The following SNX29 variants were observed in gnomAD, a reference collection of about 807,000 sequenced individuals.
SNX29 encodes the protein sorting nexin 29.
SNX29 carries 78 observed loss-of-function variants against 102.1 expected under a neutral mutation model. The observed-to-expected ratio is 0.76, with a 90% CI of 0.64 to 0.92. The LOEUF (loss-of-function observed/expected upper bound fraction) is 0.92, where lower values mean the gene tolerates loss of function less well. Ranked by LOEUF, SNX29 falls within the 40% of genes least tolerant of loss-of-function variation. The pLI is 0.00. For synonymous variants in SNX29, 580 were observed against 414.5 expected (o/e 1.40, Z -4.85); for missense variants, 1,280 against 1,061.7 (o/e 1.21, Z -2.86).
intron 14 of SNX29, among the ~76,000 whole-genome samples, chr16:12,268,816 A>G (rs1042226881): frequency 6.6e-6 from 1 of 152,204 alleles, no homozygotes; most frequent in Non-Finnish European, 1.5e-5. Context: ...ACTGTTTGCC[A>G]TGCCGCTCTC....
At chr16:11,979,275 CAAAAAAAAA>C (rs71139569) in intron 1 of SNX29, among the ~76,000 whole-genome samples, 34 of 61,998 alleles carry the variant, frequency 5.5e-4, no homozygotes, top group African/African-American at 2.4e-3. Context: ...ACTCAGTCTC[CAAAAAAAAA>C]AAAAAAAAAA....
intron 14 of SNX29, among the ~76,000 whole-genome samples, chr16:12,253,632 C>T (rs2078485402): frequency 6.6e-6 from 1 of 152,018 alleles, no homozygotes; most frequent in African/African-American, 2.4e-5. Flanking sequence ...CAAGGAACAC[C>T]AAGGAGGCAG....
At chr16:12,193,018 A>G (rs1175964275) in intron 13 of SNX29, among the ~76,000 whole-genome samples, 3 of 151,810 alleles carry the variant, frequency 2.0e-5, no homozygotes, top group African/African-American at 7.3e-5. Flanking sequence ...ATTTTTTTGT[A>G]GAGATGTGAT....
At chr16:12,551,992 C>T (rs899737221) in intron 20 of SNX29, among the ~76,000 whole-genome samples, 3 of 152,338 alleles carry the variant, frequency 2.0e-5, no homozygotes, top group Admixed American at 6.5e-5. Flanking sequence ...GTCAAAGTAG[C>T]TCCTGCTGGT....
chr16:12,570,102 C>G lies in SNX29; in HGVS notation c.*1473C>G. On this transcript the variant is annotated 3_prime_UTR_variant, in exon 21 of 21. Transcript: ENST00000566228. The stretch of plus-strand genomic sequence containing the variant: ...TTTATACTGTGCCTTCCCCTCGTAG[C>G]AAAAAGGAAGATTGTTCATGGCCTT... 2 of 984,874 alleles carry G rather than the reference C, an allele frequency of 2.0e-6. No individual in the cohort carries two copies. The highest frequency in any genetic ancestry group is 4.5e-4 in the Middle Eastern group (1 of 2,244). The allele number at this position is 984,874 out of a possible 1,614,324, so 61.0% of individuals were successfully genotyped here.
At chr16:12,316,957 C>A (rs2080764694) in intron 15 of SNX29, among the ~76,000 whole-genome samples, 1 of 152,228 alleles carries the variant, frequency 6.6e-6, no homozygotes. Flanking sequence ...ACAGTGGTGG[C>A]TAGGGCAGGA....
chr16:12,038,123 T>C (rs1049594574), intron 4 of SNX29, among the ~76,000 whole-genome samples: 8 of 152,216 alleles, frequency 5.3e-5, no homozygotes, highest in South Asian at 2.1e-4. Flanking sequence ...ATTTATTCAC[T>C]GCATTTATTG....
intron 9 of SNX29, among the ~76,000 whole-genome samples, chr16:12,067,301 G>A (rs1212077223): frequency 1.3e-5 from 2 of 151,904 alleles, no homozygotes; most frequent in African/African-American, 4.8e-5. Flanking sequence ...TTCCTGGTAA[G>A]TTTCCCTGAA....
intron 13 of SNX29, among the ~76,000 whole-genome samples, chr16:12,133,275 G>C (rs1462155261): frequency 7.5e-6 from 1 of 133,790 alleles, no homozygotes; most frequent in Non-Finnish European, 1.6e-5. Context: ...TGTTTCCTTA[G>C]TGTGGGTTTT....
chr16:11,991,471 G>A (rs544238256), intron 1 of SNX29, among the ~76,000 whole-genome samples: 30 of 152,084 alleles, frequency 2.0e-4, no homozygotes, highest in Non-Finnish European at 3.7e-4. Context: ...GCAAGGCATG[G>A]TTTCTATTAC....
intron 18 of SNX29, among the ~76,000 whole-genome samples, chr16:12,470,547 G>C (rs1441144576): frequency 6.6e-6 from 1 of 152,180 alleles, no homozygotes; most frequent in East Asian, 1.9e-4. Flanking sequence ...TGAGTCAGAA[G>C]CCCGGGGAAC....
intron 4 of SNX29, among the ~76,000 whole-genome samples, chr16:12,032,590 T>C: frequency 6.6e-6 from 1 of 152,124 alleles, no homozygotes; most frequent in African/African-American, 2.4e-5. Context: ...GACAGTTGGG[T>C]GTCTTCCACT....
intron 19 of SNX29, 84 bp from the exon 20 acceptor site, chr16:12,524,618 G>C (rs1398889008): frequency 1.3e-6 from 2 of 1,492,380 alleles, no homozygotes; most frequent in African/African-American, 1.4e-5. Flanking sequence ...GGATGGCGCT[G>C]ATGGGTGATC....
At chr16:12,439,038 C>T (rs2085673797) in intron 18 of SNX29, among the ~76,000 whole-genome samples, 1 of 152,232 alleles carries the variant, frequency 6.6e-6, no homozygotes, top group African/African-American at 2.4e-5. Context: ...GCAGCCCGGG[C>T]TTCCAAGGCA....
chr16:12,269,427 A>G lies in SNX29; in HGVS notation c.1679-8506A>G, dbSNP rs1204968705. ...AAAATACTGTGTAATCTGCAGTGCT[A>G]TGTAAATTGAAGCAGTATCATTATT... On this transcript the variant is annotated intron_variant, in intron 14 of 20. Transcript: ENST00000566228. 2.6e-5 allele frequency among the ~76,000 whole-genome samples: 4 copies of G among 152,314 alleles called. No homozygotes were observed. The East Asian group carries it at 7.7e-4, about 29-fold the overall frequency.
chr16:12,368,416 CAA>C (rs1465987008), intron 16 of SNX29, among the ~76,000 whole-genome samples: 2 of 152,200 alleles, frequency 1.3e-5, no homozygotes, highest in Non-Finnish European at 2.9e-5. Context: ...AGCTGTGAGT[CAA>C]GAGAGGCATT....
chr16:12,524,936 A>G, intron 20 of SNX29, 95 bp downstream of exon 20: 2 of 1,524,796 alleles, frequency 1.3e-6, no homozygotes. Flanking sequence ...GCTCTCCGTG[A>G]TGCCCTGATC....
At chr16:11,981,399 T>A (rs1428009282) in intron 1 of SNX29, among the ~76,000 whole-genome samples, 1 of 152,096 alleles carries the variant, frequency 6.6e-6, no homozygotes, top group Non-Finnish European at 1.5e-5. Context: ...CCACCATGCC[T>A]GGGCTCTTTT....
At chr16:12,172,030 C>T (rs754794008) in intron 13 of SNX29, among the ~76,000 whole-genome samples, 3 of 152,134 alleles carry the variant, frequency 2.0e-5, no homozygotes, top group Non-Finnish European at 2.9e-5. Context: ...TGGTGTTCTA[C>T]GTTACCACTT....
Sources: allele counts gnomAD v4.1 joint callset (sites outside exome capture counted in the v4.1 genomes callset), GRCh38; gene constraint gnomAD v4.1.1; transcripts MANE v1.5; gene names NCBI Gene and HGNC (gene_info 2026-07-23, HGNC 2026-07-21).